PRELID2: variants seen among roughly 807,000 people sequenced by gnomAD.
PRELID2 encodes the protein PRELI domain containing 2.
PRELID2 carries 25 observed loss-of-function variants against 28.4 expected under a neutral mutation model. That is an observed-to-expected ratio of 0.88 (90% CI 0.64 to 1.23). The LOEUF is 1.23. Among genes scored for constraint, PRELID2 ranks in the 50% most tolerant of loss-of-function variants. The pLI is 0.00. For synonymous variants in PRELID2, 76 were observed against 71.6 expected, an observed-to-expected ratio of 1.06 and a Z score of -0.31; for missense variants, 201 against 214.4, an observed-to-expected ratio of 0.94 and a Z score of 0.39.
intron 1 of PRELID2, among the ~76,000 whole-genome samples, chr5:145,644,653 A>T (rs1425976809): frequency 6.6e-6 from 1 of 152,028 alleles, no homozygotes; most frequent in Non-Finnish European, 1.5e-5. Context: ...TGGGCATTTC[A>T]TGCTATAAAT....
At chr5:145,783,135 G>C (rs1370002908) in intron 5 of PRELID2, among the ~76,000 whole-genome samples, 1 of 152,182 alleles carries the variant, frequency 6.6e-6, no homozygotes, top group Admixed American at 6.5e-5. Flanking sequence ...TCAGGCAAGA[G>C]CTTGACTTCC....
the PRELID2 span, among the ~76,000 whole-genome samples, chr5:145,424,607 C>T: frequency 8.5e-5 from 13 of 152,244 alleles, no homozygotes; most frequent in Admixed American, 2.6e-4. Context: ...GCGCACGGTG[C>T]GCGCACCCAC....
intron 1 of PRELID2, among the ~76,000 whole-genome samples, chr5:145,560,387 G>A (rs1425314368): frequency 2.6e-5 from 4 of 152,210 alleles, no homozygotes; most frequent in African/African-American, 9.6e-5. Flanking sequence ...CATAGTAGGT[G>A]CTCAATAATG....
At chr5:145,642,281 T>A (rs1754120464) in intron 1 of PRELID2, among the ~76,000 whole-genome samples, 1 of 152,268 alleles carries the variant, frequency 6.6e-6, no homozygotes, top group South Asian at 2.1e-4. Context: ...ATGAGGTTTT[T>A]TTCATTTGCT....
intron 1 of PRELID2, among the ~76,000 whole-genome samples, chr5:145,609,660 G>T (rs1393751479): frequency 1.3e-5 from 2 of 152,248 alleles, no homozygotes; most frequent in African/African-American, 2.4e-5. Flanking sequence ...GGGGCTCAGT[G>T]GGGTCACCCA....
chr5:145,461,440 C>A, the PRELID2 span, among the ~76,000 whole-genome samples: 222 of 152,218 alleles, frequency 1.5e-3, no homozygotes, highest in Non-Finnish European at 2.7e-3. Flanking sequence ...GTAGCTGGGA[C>A]TACAGGCACC....
chr5:145,383,515 C>G, the PRELID2 span, among the ~76,000 whole-genome samples: 1 of 150,788 alleles, frequency 6.6e-6, no homozygotes, highest in Non-Finnish European at 1.5e-5. Flanking sequence ...CAGAAATAAA[C>G]CCATATAAAA....
In PRELID2 at chr5:145,809,036, C is replaced by CTT. The variant is rs372516210; in HGVS notation, c.368+8856_368+8857dup. 7.6e-3 allele frequency among the ~76,000 whole-genome samples: 805 copies of CTT among 105,780 alleles called. 24 individuals are homozygous for CTT. Among genetic ancestry groups the CTT allele is most frequent in the African/African-American group, 0.022 (612 of 28,108 alleles). The allele number at this position is 105,780 out of a possible 152,430, so 69.4% of individuals were successfully genotyped here. On this transcript the variant is annotated intron_variant, in intron 4 of 6. Transcript: ENST00000683046. ...TTCACTAGGCTGAGCTTTTTTTTTG[C>CTT]TTTTTTTTTTTTTTTTTTTTGAGAC...
the PRELID2 span, among the ~76,000 whole-genome samples, chr5:145,364,922 G>A: frequency 6.6e-6 from 1 of 151,906 alleles, no homozygotes; most frequent in African/African-American, 2.4e-5. Context: ...ACCTTCCAGT[G>A]GTAAATAAAT....
intron 1 of PRELID2, among the ~76,000 whole-genome samples, chr5:145,584,555 C>T (rs1753135352): frequency 6.6e-6 from 1 of 151,986 alleles, no homozygotes. Flanking sequence ...GTCTAATATC[C>T]AGAGTCTACA....
intron 1 of PRELID2, among the ~76,000 whole-genome samples, chr5:145,597,447 A>G (rs1329395613): frequency 6.6e-6 from 1 of 152,208 alleles, no homozygotes; most frequent in Non-Finnish European, 1.5e-5. Flanking sequence ...TGACAGGGGT[A>G]TCAAAGCATT....
At chr5:145,324,634 T>G in the PRELID2 span, among the ~76,000 whole-genome samples, 2 of 152,198 alleles carry the variant, frequency 1.3e-5, no homozygotes, top group Non-Finnish European at 2.9e-5. Flanking sequence ...ATGAAGTGTT[T>G]TTATAATAAT....
In PRELID2 at chr5:145,760,447, T is replaced by C. The variant is rs1024885234; in HGVS notation, c.*89A>G. On this transcript the variant is annotated 3_prime_UTR_variant, in exon 7 of 7. Coordinates refer to ENST00000683046, the MANE Select transcript of PRELID2 (RefSeq NM_205846.3). Reference sequence around the variant, plus strand: ...TCAAACCTGTATTCCAGAAACTGTGTCTGTGATGTGCTGTGGCCAAGAAGT... The same window carrying C: ...TCAAACCTGTATTCCAGAAACTGTGCCTGTGATGTGCTGTGGCCAAGAAGT... 2 of 151,840 alleles carry C rather than the reference T, an allele frequency of 1.3e-5. No homozygotes were observed. Among genetic ancestry groups the C allele is most frequent in the African/African-American group, 2.4e-5 (1 of 41,316 alleles). 9.4% of individuals were successfully genotyped at this position (151,840 alleles called of 1,614,324 possible). A position where few individuals can be genotyped will look rare whatever the true frequency, so the allele number is the denominator to read the frequency against.
intron 1 of PRELID2, among the ~76,000 whole-genome samples, chr5:145,621,767 A>G (rs899098786): frequency 6.6e-6 from 1 of 152,190 alleles, no homozygotes; most frequent in African/African-American, 2.4e-5. Context: ...AACTTCTAGT[A>G]TTCTATGGCA....
intron 1 of PRELID2, among the ~76,000 whole-genome samples, chr5:145,478,725 A>G (rs997093664): frequency 5.3e-5 from 8 of 152,186 alleles, no homozygotes; most frequent in African/African-American, 1.9e-4. Flanking sequence ...GTTTAGAATT[A>G]TAAATGTTAT....
At chr5:145,274,736 C>T in the PRELID2 span, among the ~76,000 whole-genome samples, 34 of 152,246 alleles carry the variant, frequency 2.2e-4, no homozygotes, top group African/African-American at 8.2e-4. Flanking sequence ...CATAGTTTGA[C>T]ACAAGGAAAG....
At chr5:145,441,664 G>A in the PRELID2 span, among the ~76,000 whole-genome samples, 33 of 152,060 alleles carry the variant, frequency 2.2e-4, no homozygotes, top group African/African-American at 7.7e-4. Context: ...AGGAAGTCCA[G>A]AGAACTATTT....
the PRELID2 span, among the ~76,000 whole-genome samples, chr5:145,255,035 C>CCAA: frequency 6.6e-6 from 1 of 152,032 alleles, no homozygotes; most frequent in Admixed American, 6.6e-5. Context: ...CTAAATTGCT[C>CCAA]CAACACACCC....
the PRELID2 span, among the ~76,000 whole-genome samples, chr5:145,384,840 C>G: frequency 1.3e-5 from 2 of 152,110 alleles, no homozygotes; most frequent in African/African-American, 2.4e-5. Flanking sequence ...CACTCTGCCA[C>G]GAGGAGAGCA....
Sources: allele counts gnomAD v4.1 joint callset (sites outside exome capture counted in the v4.1 genomes callset), GRCh38; gene constraint gnomAD v4.1.1; transcripts MANE v1.5; gene names NCBI Gene and HGNC (gene_info 2026-07-23, HGNC 2026-07-21).